GAREM1: variants seen among roughly 807,000 people sequenced by gnomAD.
The protein encoded by GAREM1 is GRB2 associated regulator of MAPK1 subtype 1.
Under a neutral mutation model 71.3 loss-of-function variants are expected in GAREM1, and 26 were observed. That is an observed-to-expected ratio of 0.36 (90% CI 0.27 to 0.51). The LOEUF (loss-of-function observed/expected upper bound fraction) is 0.51, where lower values mean the gene tolerates loss of function less well. GAREM1 is among the 20% of genes least tolerant of loss of function. The pLI, the probability that GAREM1 is intolerant of heterozygous loss-of-function variation, is 0.95. For missense variants in GAREM1, 1,026 were observed against 1,103.1 expected, an observed-to-expected ratio of 0.93 and a Z score of 0.99; for synonymous variants, 440 against 433.2, an observed-to-expected ratio of 1.02 and a Z score of -0.20.
At chr18:32,335,479 G>C (rs963081103) in intron 2 of GAREM1, among the ~76,000 whole-genome samples, 1 of 152,130 alleles carries the variant, frequency 6.6e-6, no homozygotes, top group Non-Finnish European at 1.5e-5. Flanking sequence ...TTTGAACTGG[G>C]AGCTAATCAC....
chr18:32,313,535 C>T (rs867435672), intron 2 of GAREM1, among the ~76,000 whole-genome samples: 1 of 152,028 alleles, frequency 6.6e-6, no homozygotes, highest in South Asian at 2.1e-4. Flanking sequence ...CAAGGAAAAT[C>T]CTCCTTGACA....
intron 2 of GAREM1, among the ~76,000 whole-genome samples, chr18:32,362,783 GGA>G (rs1393271973): frequency 1.3e-4 from 20 of 152,282 alleles, no homozygotes; most frequent in Middle Eastern, 3.4e-3. Flanking sequence ...AATGAGGAAA[GGA>G]GAGATGTTTA....
rs563781255 is a variant in GAREM1 at position 32,319,206 on chromosome 18, C to T, written c.263-8883G>A. 4.6e-5 allele frequency among the ~76,000 whole-genome samples: 7 copies of T among 152,324 alleles called. No homozygotes were observed. In the South Asian group the frequency reaches 6.2e-4, roughly 14 times the overall value. ...AAAATGGCTCAAATAACTGGCCCTT[C>T]AAACCACTGGCCCATATCCAAATGT... On this transcript the variant is annotated intron_variant, in intron 2 of 5. Coordinates refer to ENST00000269209, the MANE Select transcript of GAREM1 (RefSeq NM_001242409.2).
At chr18:32,301,209 A>G (rs1474928407) in intron 3 of GAREM1, among the ~76,000 whole-genome samples, 1 of 152,172 alleles carries the variant, frequency 6.6e-6, no homozygotes, top group Non-Finnish European at 1.5e-5. Flanking sequence ...TGTATCTTTA[A>G]CACTGCTTCA....
chr18:32,320,368 T>C (rs1392465563), intron 2 of GAREM1, among the ~76,000 whole-genome samples: 1 of 152,180 alleles, frequency 6.6e-6, no homozygotes, highest in Non-Finnish European at 1.5e-5. Flanking sequence ...AAACAAAAAC[T>C]TGAAATTCTA....
At chr18:32,295,187 CCT>C (rs2047128576) in intron 3 of GAREM1, among the ~76,000 whole-genome samples, 1 of 152,004 alleles carries the variant, frequency 6.6e-6, no homozygotes, top group Non-Finnish European at 1.5e-5. Context: ...GCCTCAGCCC[CCT>C]GAGTAGCTGT....
intron 2 of GAREM1, among the ~76,000 whole-genome samples, chr18:32,345,337 T>C (rs1040535357): frequency 3.9e-5 from 6 of 152,196 alleles, no homozygotes; most frequent in African/African-American, 1.4e-4. Context: ...TCTCCAATCA[T>C]ATTTCATTTT....
chr18:32,441,403 A>T (rs2048735907), intron 1 of GAREM1, among the ~76,000 whole-genome samples: 1 of 152,064 alleles, frequency 6.6e-6, no homozygotes, highest in Non-Finnish European at 1.5e-5. Flanking sequence ...TAAAGAAAGA[A>T]CACTGCTTGA....
chr18:32,440,343 A>G (rs190939382), intron 1 of GAREM1, among the ~76,000 whole-genome samples: 43 of 152,254 alleles, frequency 2.8e-4, no homozygotes, highest in African/African-American at 8.9e-4. Context: ...ATGTTATTAT[A>G]GCTTCAGATC....
intron 1 of GAREM1, among the ~76,000 whole-genome samples, chr18:32,439,649 T>C (rs2048714804): frequency 6.6e-6 from 1 of 151,850 alleles, no homozygotes; most frequent in Non-Finnish European, 1.5e-5. Flanking sequence ...AATGAGCTTT[T>C]TTTTTTTTTC....
At chr18:32,269,481 C>T (rs745747248) in intron 5 of GAREM1, among the ~76,000 whole-genome samples, 9 of 151,960 alleles carry the variant, frequency 5.9e-5, no homozygotes, top group Non-Finnish European at 1.2e-4. Flanking sequence ...ACAGTGATGT[C>T]GGGGAAACAG....
intron 1 of GAREM1, chr18:32,412,368 G>A (rs1485509884): frequency 6.3e-7 from 1 of 1,591,770 alleles, no homozygotes; most frequent in African/African-American, 1.3e-5. Flanking sequence ...AAAATTTGAA[G>A]ACTGATTGTT....
chr18:32,377,573 C>CT (rs974425553), intron 2 of GAREM1, among the ~76,000 whole-genome samples: 1 of 151,926 alleles, frequency 6.6e-6, no homozygotes, highest in Non-Finnish European at 1.5e-5. Context: ...AAGATTATTT[C>CT]TTTTTTTTGA....
intron 4 of GAREM1, among the ~76,000 whole-genome samples, chr18:32,279,618 T>C (rs934408914): frequency 5.3e-5 from 8 of 152,164 alleles, no homozygotes; most frequent in African/African-American, 1.9e-4. Context: ...GTGAGTTGTA[T>C]AATTATTTCA....
chr18:32,281,052 G>A (rs1174955571), intron 4 of GAREM1, among the ~76,000 whole-genome samples: 4 of 152,136 alleles, frequency 2.6e-5, no homozygotes, highest in Non-Finnish European at 4.4e-5. Flanking sequence ...AATGTTTACC[G>A]AGTGCCAGGG....
At chr18:32,310,739 G>A (rs1347992898) in intron 2 of GAREM1, among the ~76,000 whole-genome samples, 2 of 152,038 alleles carry the variant, frequency 1.3e-5, no homozygotes, top group South Asian at 2.1e-4. Context: ...TAGAAGCCTG[G>A]GAGAGCTAAC....
At chr18:32,399,247 T>C (rs960818200) in intron 1 of GAREM1, among the ~76,000 whole-genome samples, 6 of 152,172 alleles carry the variant, frequency 3.9e-5, no homozygotes, top group African/African-American at 1.4e-4. Flanking sequence ...AAGCATTCCC[T>C]TTGAAAACTG....
At chr18:32,359,176 A>C (rs987753261) in intron 2 of GAREM1, among the ~76,000 whole-genome samples, 3 of 152,214 alleles carry the variant, frequency 2.0e-5, no homozygotes, top group African/African-American at 7.2e-5. Context: ...ATCAGATGGT[A>C]TTAAAAGGCT....
chr18:32,422,971 C>G (rs1419184855), intron 1 of GAREM1, among the ~76,000 whole-genome samples: 2 of 152,198 alleles, frequency 1.3e-5, no homozygotes. Flanking sequence ...AAACATTATA[C>G]CATCTGAGAG....
Sources: allele counts gnomAD v4.1 joint callset (sites outside exome capture counted in the v4.1 genomes callset), GRCh38; gene constraint gnomAD v4.1.1; transcripts MANE v1.5; gene names NCBI Gene and HGNC (gene_info 2026-07-23, HGNC 2026-07-21).